CNTNAP2: variants seen among roughly 807,000 people sequenced by gnomAD.
CNTNAP2 encodes contactin-associated protein-like 2.
In CNTNAP2, 98 loss-of-function variants were observed where a neutral mutation model predicts 155.2. The observed-to-expected ratio is 0.63, with a 90% confidence interval of 0.54 to 0.75. CNTNAP2 has a LOEUF of 0.75. Ranked by LOEUF, CNTNAP2 falls within the 30% of genes least tolerant of loss-of-function variation. The probability of loss-of-function intolerance (pLI) is 0.00; values close to 1 mark genes in which losing one functional copy is unlikely to be tolerated. For missense variants in CNTNAP2, 1,727 were observed against 1,688.1 expected, an observed-to-expected ratio of 1.02 and a Z score of -0.40; for synonymous variants, 651 against 631.2, an observed-to-expected ratio of 1.03 and a Z score of -0.47.
Position 147,164,156 on chromosome 7 carries a change from CT to C in CNTNAP2, c.1348+31648del, listed in dbSNP as rs569140870. Among the ~76,000 whole-genome samples the C allele has an allele frequency of 5.0e-3, 766 of 152,280 alleles. 6 individuals carry two copies. Among genetic ancestry groups the C allele is most frequent in the African/African-American group, 0.018 (734 of 41,550 alleles). ...ATTGAAAGAACGTTATTTCATTCTC[CT>C]ATTTTGGTAAGTTAAGAAACAAAGG... On this transcript the variant is annotated intron_variant, in intron 8 of 23. Transcript: ENST00000361727.
intron 18 of CNTNAP2, among the ~76,000 whole-genome samples, chr7:148,211,988 AAAAATATAGGTTGC>A (rs1016799208): frequency 9.2e-5 from 14 of 152,324 alleles, no homozygotes; most frequent in South Asian, 6.2e-4. Flanking sequence ...TGCCAATTTT[AAAAATATAGGTTGC>A]AAAATATAGG....
At chr7:148,135,093 G>A (rs2116633730) in intron 16 of CNTNAP2, among the ~76,000 whole-genome samples, 1 of 151,524 alleles carries the variant, frequency 6.6e-6, no homozygotes, top group South Asian at 2.1e-4. Context: ...TCTCCAAGAG[G>A]GCATGTGTAG....
intron 9 of CNTNAP2, among the ~76,000 whole-genome samples, chr7:147,330,857 C>A (rs1478547129): frequency 6.6e-6 from 1 of 152,046 alleles, no homozygotes; most frequent in Non-Finnish European, 1.5e-5. Context: ...CTACGCTTAT[C>A]AAATTTACAG....
chr7:148,111,112 A>G (rs1255023581), intron 15 of CNTNAP2, among the ~76,000 whole-genome samples: 1 of 152,156 alleles, frequency 6.6e-6, no homozygotes, highest in African/African-American at 2.4e-5. Context: ...CACACACTCC[A>G]GATTGCAGTC....
intron 13 of CNTNAP2, among the ~76,000 whole-genome samples, chr7:147,717,594 T>G (rs558064327): frequency 4.7e-4 from 72 of 152,230 alleles, no homozygotes; most frequent in African/African-American, 1.4e-3. Flanking sequence ...GAACTTACAC[T>G]GCAACTTAAG....
chr7:147,304,915 T>A (rs544897176), intron 9 of CNTNAP2, among the ~76,000 whole-genome samples: 34 of 152,270 alleles, frequency 2.2e-4, no homozygotes, highest in African/African-American at 7.7e-4. Flanking sequence ...GGGCACATAA[T>A]GAGAAGCTGC....
At chr7:146,913,738 G>T (rs1482745917) in intron 3 of CNTNAP2, among the ~76,000 whole-genome samples, 3 of 151,896 alleles carry the variant, frequency 2.0e-5, no homozygotes, top group Non-Finnish European at 4.4e-5. Context: ...ATAGATAAGT[G>T]GGGTATCAAC....
intron 4 of CNTNAP2, among the ~76,000 whole-genome samples, chr7:147,084,524 TATA>T (rs1338729371): frequency 7.3e-6 from 1 of 136,682 alleles, no homozygotes; most frequent in African/African-American, 2.6e-5. Flanking sequence ...TGTATATACA[TATA>T]ATACTATATA....
rs1315739508 is a variant in CNTNAP2 at position 148,420,524 on chromosome 7, A to ACAG, written c.*4911_*4913dup. 2 of 152,240 alleles carry ACAG rather than the reference A, an allele frequency of 1.3e-5. No individual in the cohort carries two copies. Among genetic ancestry groups the ACAG allele is most frequent in the African/African-American group, 4.8e-5 (2 of 41,460 alleles). The allele number at this position is 152,240 out of a possible 1,614,324, so 9.4% of individuals were successfully genotyped here. On this transcript the variant is annotated 3_prime_UTR_variant, in exon 24 of 24. Transcript: ENST00000361727. ...AATATGGGCACACATGTATTAATAT[A>ACAG]CAGCACGCATTTACAAGTTTATTTT...
At chr7:146,213,213 CCAATTCTGTTGG>C (rs767882670) in intron 1 of CNTNAP2, among the ~76,000 whole-genome samples, 6 of 152,110 alleles carry the variant, frequency 3.9e-5, no homozygotes, top group Non-Finnish European at 8.8e-5. Context: ...CAATACATGT[CCAATTCTGTTGG>C]CAAACCTCAA....
At chr7:147,978,123 A>T in intron 15 of CNTNAP2, 134 bp downstream of exon 15, 1 of 1,256,218 alleles carries the variant, frequency 8.0e-7, no homozygotes, top group Non-Finnish European at 1.1e-6. Flanking sequence ...ACCCAAGCAG[A>T]GATAACTTAG....
At chr7:146,488,156 C>T (rs1797084070) in intron 1 of CNTNAP2, among the ~76,000 whole-genome samples, 1 of 151,986 alleles carries the variant, frequency 6.6e-6, no homozygotes, top group Admixed American at 6.6e-5. Context: ...TAGTCAGACA[C>T]GCGGCTTGCT....
At chr7:146,748,356 A>G (rs1801847719) in intron 1 of CNTNAP2, among the ~76,000 whole-genome samples, 1 of 151,964 alleles carries the variant, frequency 6.6e-6, no homozygotes, top group Non-Finnish European at 1.5e-5. Context: ...CGTGTTAGCC[A>G]GGATGGTCTG....
intron 3 of CNTNAP2, among the ~76,000 whole-genome samples, chr7:146,877,697 T>A (rs775995211): frequency 1.5e-4 from 23 of 151,838 alleles, no homozygotes; most frequent in Non-Finnish European, 3.2e-4. Flanking sequence ...ACTTTTAAAC[T>A]TTTTTAGCAG....
intron 21 of CNTNAP2, among the ~76,000 whole-genome samples, chr7:148,290,044 T>C (rs1183391502): frequency 6.6e-6 from 1 of 152,236 alleles, no homozygotes; most frequent in Non-Finnish European, 1.5e-5. Flanking sequence ...TTCAGTGTTA[T>C]ATGCAGAATA....
intron 13 of CNTNAP2, among the ~76,000 whole-genome samples, chr7:147,722,213 T>G (rs979863634): frequency 6.6e-6 from 1 of 152,180 alleles, no homozygotes; most frequent in African/African-American, 2.4e-5. Context: ...AGTCCCACTC[T>G]TCTAATTTTA....
intron 15 of CNTNAP2, among the ~76,000 whole-genome samples, chr7:148,068,528 T>G (rs1040422434): frequency 5.9e-5 from 9 of 152,224 alleles, no homozygotes; most frequent in Non-Finnish European, 1.0e-4. Context: ...GAATTTCACT[T>G]TGTTGAGTGT....
At chr7:146,834,798 C>A (rs1803584968) in intron 2 of CNTNAP2, among the ~76,000 whole-genome samples, 1 of 152,104 alleles carries the variant, frequency 6.6e-6, no homozygotes, top group South Asian at 2.1e-4. Flanking sequence ...ACATTGGGAA[C>A]TTTTTTGCCC....
Position 147,507,550 on chromosome 7 carries a change from CTT to C in CNTNAP2, c.1777+21533_1777+21534del, listed in dbSNP as rs3052511. ...TATAGAAGTTGCTTTCTCTTTCTTT[CTT>C]TTTTTTTTTTTTTTTTTTTTTTTGG... On this transcript the variant is annotated intron_variant, in intron 11 of 23. Transcript: ENST00000361727. 6.0e-3 allele frequency among the ~76,000 whole-genome samples: 494 copies of C among 82,002 alleles called. 1 individual carries two copies. The highest frequency in any genetic ancestry group is 0.023 in the African/African-American group (471 of 20,160). The allele number at this position is 82,002 out of a possible 152,430, so 53.8% of individuals were successfully genotyped here. A position where few individuals can be genotyped will look rare whatever the true frequency, so the allele number is the denominator to read the frequency against.
Sources: allele counts gnomAD v4.1 joint callset (sites outside exome capture counted in the v4.1 genomes callset), GRCh38; gene constraint gnomAD v4.1.1; transcripts MANE v1.5; gene names NCBI Gene and HGNC (gene_info 2026-07-23, HGNC 2026-07-21).